The following F7 variants were observed in gnomAD, a reference collection of about 807,000 sequenced individuals.
F7 encodes the protein FVII coagulation protein.
Under a neutral mutation model 47.5 loss-of-function variants are expected in F7, and 38 were observed. The ratio of observed to expected loss-of-function variants is 0.80; its 90% confidence interval spans 0.62 to 1.05. The LOEUF (loss-of-function observed/expected upper bound fraction) is 1.05, where lower values mean the gene tolerates loss of function less well. Among genes scored for constraint, F7 ranks in the 50% least tolerant of loss-of-function variants. The probability of loss-of-function intolerance (pLI) is 0.00; values close to 1 mark genes in which losing one functional copy is unlikely to be tolerated. For missense variants in F7, 575 were observed against 605.4 expected (o/e 0.95, Z 0.53); for synonymous variants, 244 against 258.5 (o/e 0.94, Z 0.54).
chr13:113,107,953 G>A (rs1321088456), intron 1 of F7, among the ~76,000 whole-genome samples: 10 of 78,870 alleles, frequency 1.3e-4, no homozygotes, highest in South Asian at 4.9e-4. Flanking sequence ...GGTGTCCCGG[G>A]GGCGTGGGTG....
intron 7 of F7, among the ~76,000 whole-genome samples, chr13:113,118,146 C>G (rs1436790121): frequency 1.3e-5 from 2 of 152,198 alleles, no homozygotes; most frequent in African/African-American, 2.4e-5. Flanking sequence ...GGGGCACGCC[C>G]TGTCCTCCCA....
chr13:113,110,727 C>T lies in F7; in HGVS notation c.102C>T (p.His34=). The T allele has an allele frequency of 1.3e-6, 2 of 1,548,830 alleles. No individual in the cohort carries two copies. Among genetic ancestry groups the T allele is most frequent in the Non-Finnish European group, 1.7e-6 (2 of 1,146,562 alleles). Residue 34 remains histidine, a synonymous_variant, in exon 2 of 8, where the codon CAC becomes CAT. Transcript: ENST00000346342. ...VTQEEAHGVL[H]RRRRANAFLE... ...AGGAGGAAGCCCACGGCGTCCTGCA[C>T]CGGCGCCGGCGCGCCAACGCGTTCC...
intron 1 of F7, among the ~76,000 whole-genome samples, chr13:113,109,824 G>A (rs1480087936): frequency 6.6e-6 from 1 of 152,172 alleles, no homozygotes; most frequent in East Asian, 1.9e-4. Context: ...GGTGCCCACA[G>A]CTCACGGCGC....
At chr13:113,110,987 C>A in intron 2 of F7, 137 bp downstream of exon 2, 1 of 1,034,012 alleles carries the variant, frequency 9.7e-7, no homozygotes, top group Non-Finnish European at 1.3e-6. Context: ...GCGCTTTCTG[C>A]GGGGGTCGCT....
chr13:113,117,764 G>C (rs2036222538), intron 7 of F7, among the ~76,000 whole-genome samples, 168 bp downstream of exon 7: 1 of 149,806 alleles, frequency 6.7e-6, no homozygotes. Flanking sequence ...ACTCTCCGCT[G>C]TCCGACCGCG....
Position 113,118,461 on chromosome 13 carries a change from T to C in F7, c.788T>C (p.Val263Ala), listed in dbSNP as rs758941912. The C allele has an allele frequency of 6.2e-7, 1 of 1,602,080 alleles. No individual in the cohort carries two copies. Among genetic ancestry groups the C allele is most frequent in the East Asian group, 2.2e-5 (1 of 44,764 alleles). Residue 263 changes from valine (V) to alanine (A), a missense_variant, in exon 8 of 8, where the codon GTG (valine) becomes GCG (alanine). Val to Ala is a moderately conservative substitution (Grantham distance 64). Coordinates refer to ENST00000346342, the MANE Select transcript of F7 (RefSeq NM_019616.4). ...GACGGGGATGAGCAGAGCCGGCGGG[T>C]GGCGCAGGTCATCATCCCCAGCACG... The part of the protein sequence containing the change: ...EHDGDEQSRR[V>A]AQVIIPSTYV...
At position 113,113,417 on chromosome 13, in the gene F7, T is replaced by C. The variant is rs1393148308; in HGVS notation, c.226-335T>C. ...TCTGCTACTGCACCCTCTCCCCGTATGTGTGGCCACCCTGTCAGAGGTGGA... is the reference window on the plus strand; with the variant it reads ...TCTGCTACTGCACCCTCTCCCCGTACGTGTGGCCACCCTGTCAGAGGTGGA... On this transcript the variant is annotated intron_variant, in intron 2 of 7. Transcript: ENST00000346342. The surrounding 1 kb of genome is among the most constrained non-coding windows in gnomAD (Gnocchi z 4.1). Among the ~76,000 whole-genome samples, 1 of 152,242 alleles carries C rather than the reference T, an allele frequency of 6.6e-6. No individual in the cohort carries two copies. Among genetic ancestry groups the C allele is most frequent in the Non-Finnish European group, 1.5e-5 (1 of 68,034 alleles).
chr13:113,106,807 A>T, intron 1 of F7: 1 of 1,562,858 alleles, frequency 6.4e-7, no homozygotes, highest in Non-Finnish European at 8.7e-7. Context: ...CCTAGCTCAC[A>T]GCATGGCCTT....
intron 2 of F7, among the ~76,000 whole-genome samples, chr13:113,111,684 G>T (rs2036098560): frequency 1.6e-5 from 1 of 61,612 alleles, no homozygotes; most frequent in Admixed American, 1.7e-4. Flanking sequence ...ACCTCACACG[G>T]GGCACACTTC....
intron 1 of F7, chr13:113,106,970 T>A: frequency 6.5e-7 from 1 of 1,533,542 alleles, no homozygotes; most frequent in Non-Finnish European, 8.9e-7. Flanking sequence ...CATCACCTCC[T>A]TCCCCTCCCA....
chr13:113,118,645 G>C lies in F7; in HGVS notation c.972G>C (p.Gln324His). 1 of 1,612,970 alleles carries C rather than the reference G, an allele frequency of 6.2e-7. No individual in the cohort carries two copies. The highest frequency in any genetic ancestry group is 8.5e-7 in the Non-Finnish European group (1 of 1,180,002). Reference protein sequence around the residue: ...VRFSLVSGWGQLLDRGATALE... With the variant: ...VRFSLVSGWGHLLDRGATALE... ...TCTCATTGGTCAGCGGCTGGGGCCA[G>C]CTGCTGGACCGTGGCGCCACGGCCC... The change falls in exon 8 of 8, where the codon CAG becomes CAC. Residue 324 changes from glutamine (Q) to histidine (H), a missense_variant. By Grantham distance (24) the Gln-to-His change is conservative. Coordinates refer to ENST00000346342, the MANE Select transcript of F7 (RefSeq NM_019616.4).
At position 113,118,937 on chromosome 13, in the gene F7, A is replaced by T; in HGVS notation, c.1264A>T (p.Ile422Phe). ...FGVYTRVSQY[I>F]EWLQKLMRSE... ...GGTGTACACCAGGGTCTCCCAGTAC[A>T]TCGAGTGGCTGCAAAAGCTCATGCG... Residue 422 changes from isoleucine (I) to phenylalanine (F), a missense_variant, in exon 8 of 8, where the codon ATC becomes TTC. Coordinates refer to ENST00000346342, the MANE Select transcript of F7 (RefSeq NM_019616.4). 6.2e-7 allele frequency: 1 copy of T among 1,610,256 alleles called. No individual in the cohort carries two copies. The highest frequency in any genetic ancestry group is 8.5e-7 in the Non-Finnish European group (1 of 1,179,940).
At position 113,113,640 on chromosome 13, in the gene F7, C is replaced by A; in HGVS notation, c.226-112C>A. 1 of 1,135,122 alleles carries A rather than the reference C, an allele frequency of 8.8e-7. No homozygotes were observed. Among genetic ancestry groups the A allele is most frequent in the South Asian group, 1.2e-5 (1 of 81,492 alleles). The allele number at this position is 1,135,122 out of a possible 1,614,324, so 70.3% of individuals were successfully genotyped here. On this transcript the variant is annotated intron_variant, in intron 2 of 7. Coordinates refer to ENST00000346342, the MANE Select transcript of F7 (RefSeq NM_019616.4). The surrounding 1 kb of genome is among the most constrained non-coding windows in gnomAD (Gnocchi z 4.1). ...AAAGTCTGGCTTCCTGAGCCCACCCCGCCAGACCCAGGTCCAAGTCCCCCA... is the reference window on the plus strand; with the variant it reads ...AAAGTCTGGCTTCCTGAGCCCACCCAGCCAGACCCAGGTCCAAGTCCCCCA...
At chr13:113,110,204 C>G (rs1333347872) in intron 1 of F7, 1 of 155,480 alleles carries the variant, frequency 6.4e-6, no homozygotes, top group East Asian at 1.9e-4. Context: ...GGCCGCGCCT[C>G]GGACCAGGAC....
In F7 at chr13:113,115,654, C is replaced by G; in HGVS notation, c.365-6C>G. Reference sequence around the variant, plus strand: ...CCCTCTCAGGGTGTCCCCTTCCTGTCCCCAGACAAGGATGACCAGCTGATC... The same window carrying G: ...CCCTCTCAGGGTGTCCCCTTCCTGTGCCCAGACAAGGATGACCAGCTGATC... On this transcript the variant is annotated splice_region_variant and splice_polypyrimidine_tract_variant and intron_variant, in intron 4 of 7. Transcript: ENST00000346342. 6.2e-7 allele frequency: 1 copy of G among 1,612,464 alleles called. No individual in the cohort carries two copies. Among genetic ancestry groups the G allele is most frequent in the South Asian group, 1.1e-5 (1 of 90,916 alleles).
rs1446422994 is a variant in F7 at position 113,110,714 on chromosome 13, A to C, written c.89A>C (p.His30Pro). The C allele has an allele frequency of 6.5e-7, 1 of 1,548,610 alleles. No homozygotes were observed. The highest frequency in any genetic ancestry group is 2.0e-5 in the Admixed American group (1 of 50,990). ...GTCTTCGTAACCCAGGAGGAAGCCC[A>C]CGGCGTCCTGCACCGGCGCCGGCGC... Reference protein sequence around the residue: ...AAVFVTQEEAHGVLHRRRRAN... With the variant: ...AAVFVTQEEAPGVLHRRRRAN... Residue 30 changes from histidine to proline, a missense_variant, in exon 2 of 8, where the codon CAC (histidine) becomes CCC (proline). His to Pro is a moderately conservative substitution (Grantham distance 77). Transcript: ENST00000346342.
chr13:113,106,993 A>G, intron 1 of F7: 6 of 1,477,124 alleles, frequency 4.1e-6, no homozygotes, highest in Non-Finnish European at 5.6e-6. Context: ...GCAAAGAGCC[A>G]GCCCGCGGGG....
rs1482619882 is a variant in F7 at position 113,105,820 on chromosome 13, G to C, written c.-22G>C. ...CCATGGGGAATGTCAACAGGCAGGG[G>C]CAGCACTGCAGAGATTTCATCATGG... On this transcript the variant is annotated 5_prime_UTR_variant, in exon 1 of 8. Coordinates refer to ENST00000346342, the MANE Select transcript of F7 (RefSeq NM_019616.4). 3 of 1,576,450 alleles carry C rather than the reference G, an allele frequency of 1.9e-6. No homozygotes were observed. The highest frequency in any genetic ancestry group is 2.6e-6 in the Non-Finnish European group (3 of 1,161,032).
chr13:113,112,544 G>A (rs2036121752), intron 2 of F7, among the ~76,000 whole-genome samples: 1 of 143,018 alleles, frequency 7.0e-6, no homozygotes, highest in Non-Finnish European at 1.5e-5. Flanking sequence ...CCCTCTCACA[G>A]GTCACCTCAC....
Sources: allele counts gnomAD v4.1 joint callset (sites outside exome capture counted in the v4.1 genomes callset), GRCh38; gene constraint gnomAD v4.1.1; non-coding constraint Gnocchi (gnomAD v3.1); transcripts MANE v1.5; gene names NCBI Gene and HGNC (gene_info 2026-07-23, HGNC 2026-07-21).